The following CSMD1 variants were observed in gnomAD, a reference collection of about 807,000 sequenced individuals.
The protein encoded by CSMD1 is CUB and Sushi multiple domains 1.
Under a neutral mutation model 417.5 loss-of-function variants are expected in CSMD1, and 213 were observed. That is an observed-to-expected ratio of 0.51 (90% CI 0.46 to 0.57). CSMD1 has a LOEUF of 0.57. Among genes scored for constraint, CSMD1 ranks in the 20% least tolerant of loss-of-function variants. CSMD1 has a pLI of 0.00. For synonymous variants in CSMD1, 2,862 were observed against 1,736.8 expected (o/e 1.65, Z -16.11); for missense variants, 6,923 against 4,529.7 (o/e 1.53, Z -15.17).
At chr8:4,403,381 T>G (rs1804784497) in intron 3 of CSMD1, among the ~76,000 whole-genome samples, 1 of 152,134 alleles carries the variant, frequency 6.6e-6, no homozygotes, top group African/African-American at 2.4e-5. Context: ...CCTCTCTAAC[T>G]TCTCTCATCT....
At chr8:4,745,017 CTT>C (rs1301541604) in intron 1 of CSMD1, among the ~76,000 whole-genome samples, 2 of 152,046 alleles carry the variant, frequency 1.3e-5, no homozygotes, top group African/African-American at 4.8e-5. Context: ...TCATAATAAA[CTT>C]GTGTTAAATT....
intron 3 of CSMD1, among the ~76,000 whole-genome samples, chr8:4,409,312 C>G (rs544518081): frequency 6.6e-6 from 1 of 152,016 alleles, no homozygotes; most frequent in African/African-American, 2.4e-5. Flanking sequence ...TGTGTTTTTT[C>G]TTCTCTTAAT....
At chr8:3,610,548 A>G (rs973662739) in intron 8 of CSMD1, among the ~76,000 whole-genome samples, 22 of 152,300 alleles carry the variant, frequency 1.4e-4, no homozygotes, top group African/African-American at 5.1e-4. Flanking sequence ...TATATAATAT[A>G]GGTCATGTAC....
intron 5 of CSMD1, among the ~76,000 whole-genome samples, chr8:3,865,289 C>A (rs563112350): frequency 6.6e-6 from 1 of 152,174 alleles, no homozygotes; most frequent in East Asian, 1.9e-4. Context: ...TCTCAGAGAG[C>A]GGTACTTCAA....
chr8:3,892,030 A>AG (rs75321915), intron 5 of CSMD1, among the ~76,000 whole-genome samples: 2 of 151,908 alleles, frequency 1.3e-5, no homozygotes, highest in Admixed American at 1.3e-4. Flanking sequence ...GCAAACAAAA[A>AG]AAAAAAAAAT....
chr8:4,484,477 G>A (rs1801263280), intron 2 of CSMD1, among the ~76,000 whole-genome samples: 1 of 152,206 alleles, frequency 6.6e-6, no homozygotes, highest in South Asian at 2.1e-4. Flanking sequence ...CAATTTGAAG[G>A]AGGCACAAAA....
At chr8:3,270,412 A>C (rs1019977482) in intron 26 of CSMD1, among the ~76,000 whole-genome samples, 1 of 152,058 alleles carries the variant, frequency 6.6e-6, no homozygotes, top group African/African-American at 2.4e-5. Context: ...AAAGCAGTGA[A>C]AAAAAATGAT....
At chr8:4,446,753 GTC>G (rs1170753592) in intron 2 of CSMD1, among the ~76,000 whole-genome samples, 6,069 of 101,310 alleles carry the variant, frequency 0.06, 144 homozygotes, top group Middle Eastern at 0.076. Context: ...GTGTGTGTGT[GTC>G]TGTGTGTGTG....
At chr8:4,744,399 C>G (rs773524634) in intron 1 of CSMD1, among the ~76,000 whole-genome samples, 2 of 152,154 alleles carry the variant, frequency 1.3e-5, no homozygotes, top group East Asian at 3.9e-4. Context: ...CCTCTCAGTT[C>G]GGTTCTAGCC....
At chr8:4,794,676 G>T (rs1292134633) in intron 1 of CSMD1, among the ~76,000 whole-genome samples, 2 of 152,102 alleles carry the variant, frequency 1.3e-5, no homozygotes, top group Non-Finnish European at 1.5e-5. Flanking sequence ...TCTGCTGACT[G>T]CTATTGGCCC....
intron 3 of CSMD1, among the ~76,000 whole-genome samples, chr8:4,235,596 T>G (rs1714684): frequency 0.43 from 64,874 of 151,984 alleles, 14,220 homozygotes; most frequent in Middle Eastern, 0.61. Context: ...GTCTTTTCTC[T>G]CAGGGATCTC....
chr8:4,189,093 G>A (rs748830792), intron 3 of CSMD1, among the ~76,000 whole-genome samples: 3 of 152,164 alleles, frequency 2.0e-5, no homozygotes, highest in Admixed American at 6.5e-5. Flanking sequence ...GAAAATACAT[G>A]ACATTCACGT....
At chr8:3,868,089 T>C (rs1805230907) in intron 5 of CSMD1, among the ~76,000 whole-genome samples, 2 of 152,140 alleles carry the variant, frequency 1.3e-5, no homozygotes, top group African/African-American at 4.8e-5. Context: ...TGATGCTTAA[T>C]TCCTTGCATG....
At chr8:4,118,396 A>G (rs1275678384) in intron 3 of CSMD1, among the ~76,000 whole-genome samples, 5 of 144,174 alleles carry the variant, frequency 3.5e-5, no homozygotes, top group African/African-American at 1.3e-4. Flanking sequence ...AACTTAAAGA[A>G]ATTTACAAAA....
chr8:3,683,079 G>A (rs1040734837), intron 7 of CSMD1, among the ~76,000 whole-genome samples: 9 of 152,038 alleles, frequency 5.9e-5, no homozygotes, highest in African/African-American at 2.2e-4. Context: ...ATAGCATTAG[G>A]AGATATACCT....
At chr8:3,939,722 T>G (rs573989475) in intron 5 of CSMD1, among the ~76,000 whole-genome samples, 2 of 152,212 alleles carry the variant, frequency 1.3e-5, no homozygotes, top group African/African-American at 4.8e-5. Flanking sequence ...TTGCAGCAAC[T>G]TGGATGAACC....
intron 6 of CSMD1, among the ~76,000 whole-genome samples, chr8:3,748,088 G>C (rs1264924473): frequency 6.6e-6 from 1 of 152,174 alleles, no homozygotes; most frequent in East Asian, 1.9e-4. Context: ...TGCAGAGTAA[G>C]AGTCAGTCGC....
intron 54 of CSMD1, among the ~76,000 whole-genome samples, chr8:2,992,211 G>A (rs1161199799): frequency 1.3e-5 from 2 of 151,364 alleles, no homozygotes; most frequent in Non-Finnish European, 2.9e-5. Flanking sequence ...ATACACACAT[G>A]CACACACACA....
At chr8:4,932,675 A>C (rs1427672086) in intron 1 of CSMD1, among the ~76,000 whole-genome samples, 1 of 152,210 alleles carries the variant, frequency 6.6e-6, no homozygotes, top group Non-Finnish European at 1.5e-5. Flanking sequence ...TGCAGGAATG[A>C]ATGACACAGT....
Sources: allele counts gnomAD v4.1 joint callset (sites outside exome capture counted in the v4.1 genomes callset), GRCh38; gene constraint gnomAD v4.1.1; transcripts MANE v1.5; gene names NCBI Gene and HGNC (gene_info 2026-07-23, HGNC 2026-07-21).